ABCC5: variants seen among roughly 807,000 people sequenced by gnomAD.
ABCC5 encodes ATP binding cassette subfamily C member 5.
In ABCC5, 61 loss-of-function variants were observed where a neutral mutation model predicts 160.9. That is an observed-to-expected ratio of 0.38 (90% CI 0.31 to 0.47). ABCC5 has a LOEUF of 0.47. Among genes scored for constraint, ABCC5 ranks in the 20% least tolerant of loss-of-function variants. The pLI is 0.99. For synonymous variants in ABCC5, 666 were observed against 700.6 expected, an observed-to-expected ratio of 0.95 and a Z score of 0.78; for missense variants, 1,308 against 1,813.3, an observed-to-expected ratio of 0.72 and a Z score of 5.06.
Position 183,921,492 on chromosome 3 carries a change from TG to T in ABCC5, c.4213-92del, listed in dbSNP as rs1711967456. 3 of 1,211,960 alleles carry T rather than the reference TG, an allele frequency of 2.5e-6. No individual in the cohort carries two copies. In the African/African-American group the frequency reaches 4.7e-5, roughly 19 times the overall value. The allele number at this position is 1,211,960 out of a possible 1,614,324, so 75.1% of individuals were successfully genotyped here. On this transcript the variant is annotated intron_variant, in intron 29 of 29. Transcript: ENST00000334444. This position sits in a 1 kb window ranked among gnomAD's most constrained non-coding sequence, Gnocchi z 4.1. Reference sequence around the variant, plus strand: ...CGGCTCAGTAAGTGCCAGTGCCCTCTGAGGGTAGAATCTGGGGACAATTCAA... The same window carrying T: ...CGGCTCAGTAAGTGCCAGTGCCCTCTAGGGTAGAATCTGGGGACAATTCAA...
At chr3:183,952,088 G>C in intron 18 of ABCC5, 85 bp from the exon 19 acceptor site, 1 of 1,485,436 alleles carries the variant, frequency 6.7e-7, no homozygotes, top group Non-Finnish European at 9.2e-7. Flanking sequence ...CTCAAGGGCA[G>C]GGCAGGGTAC....
intron 1 of ABCC5, among the ~76,000 whole-genome samples, chr3:184,015,716 A>G (rs1286248824): frequency 1.3e-5 from 2 of 151,886 alleles, no homozygotes; most frequent in African/African-American, 4.8e-5. Context: ...CACCTTGTCC[A>G]ATGACAAACT....
chr3:183,927,039 G>A (rs1285854519), intron 28 of ABCC5, among the ~76,000 whole-genome samples: 2 of 150,386 alleles, frequency 1.3e-5, no homozygotes, highest in African/African-American at 2.4e-5. Flanking sequence ...GCAAGACTCC[G>A]TCTCAAAAAA....
intron 2 of ABCC5, among the ~76,000 whole-genome samples, chr3:183,999,249 G>C (rs1419955413): frequency 6.7e-6 from 1 of 149,980 alleles, no homozygotes; most frequent in Non-Finnish European, 1.5e-5. Flanking sequence ...ACATGGCCAA[G>C]CATGCCAGGA....
intron 2 of ABCC5, among the ~76,000 whole-genome samples, chr3:183,990,150 C>T (rs891445967): frequency 6.6e-6 from 1 of 151,826 alleles, no homozygotes; most frequent in East Asian, 1.9e-4. Context: ...GCTCTGTTGC[C>T]CAGGCCGGAG....
chr3:183,927,928 G>A, intron 27 of ABCC5: 1 of 629,016 alleles, frequency 1.6e-6, no homozygotes, highest in Non-Finnish European at 2.0e-6. Context: ...ATTAGGGCAG[G>A]GGATCCTGGA....
Position 183,947,400 on chromosome 3 carries a change from G to T in ABCC5, c.3338C>A (p.Thr1113Lys), listed in dbSNP as rs963986569. The change falls in exon 23 of 30, where the codon ACG becomes AAG. Residue 1113 changes from threonine to lysine, a missense_variant. Physicochemically the swap from Thr to Lys is moderately conservative, Grantham distance 78. Around this residue, in one of 3 missense-constraint regions of ABCC5, gnomAD observed 1,142 missense variants for 1,527.1 expected, o/e 0.75. Coordinates refer to ENST00000334444, the MANE Select transcript of ABCC5 (RefSeq NM_005688.4). ...DLISIALITT[T>K]GLMIVLMHGQ... ...GTGCATAAGAACGATCATCAGCCCC[G>T]TGGTGGTGATGAGGGCGATGCTGAT... 203 of 1,613,672 alleles carry T rather than the reference G, an allele frequency of 1.3e-4. No homozygotes were observed. The highest frequency in any genetic ancestry group is 1.7e-4 in the Non-Finnish European group (202 of 1,179,922).
intron 11 of ABCC5, among the ~76,000 whole-genome samples, chr3:183,970,917 T>G (rs1314950070): frequency 6.6e-6 from 1 of 152,192 alleles, no homozygotes; most frequent in Non-Finnish European, 1.5e-5. Flanking sequence ...TTGATACTCA[T>G]GAAATGGCTG....
chr3:183,963,743 G>A lies in ABCC5; in HGVS notation c.2032-155C>T, dbSNP rs569497387. Reference sequence around the variant, plus strand: ...CATGCTGATTCCCCGCAGATGAACTGCCATGCTGATCCTTCAACGAAGTGG... The same window carrying A: ...CATGCTGATTCCCCGCAGATGAACTACCATGCTGATCCTTCAACGAAGTGG... On this transcript the variant is annotated intron_variant, in intron 14 of 29. Coordinates refer to ENST00000334444, the MANE Select transcript of ABCC5 (RefSeq NM_005688.4). The surrounding 1 kb of genome is among the most constrained non-coding windows in gnomAD (Gnocchi z 4.6). Among the ~76,000 whole-genome samples the A allele has an allele frequency of 6.6e-6, 1 of 152,160 alleles. No homozygotes were observed. Among genetic ancestry groups the A allele is most frequent in the Non-Finnish European group, 1.5e-5 (1 of 68,038 alleles).
In ABCC5 at chr3:183,921,363, G is replaced by A. The variant is rs73044696; in HGVS notation, c.4251C>T (p.Asn1417=). 2.0e-4 allele frequency: 323 copies of A among 1,613,262 alleles called. 1 individual carries two copies. The African/African-American group carries it at 3.9e-3, about 20-fold the overall frequency. Residue 1417 remains asparagine (N), a synonymous_variant, in exon 30 of 30, where the codon AAC becomes AAT. Coordinates refer to ENST00000334444, the MANE Select transcript of ABCC5 (RefSeq NM_005688.4). The surrounding 1 kb of genome is among the most constrained non-coding windows in gnomAD (Gnocchi z 4.1). ...ACATGGCATAGAATCGGGAACTGTCGTTGGACAGAAGGACCGATGGGGTGT... is the reference window on the plus strand; with the variant it reads ...ACATGGCATAGAATCGGGAACTGTCATTGGACAGAAGGACCGATGGGGTGT... ...EFDTPSVLLS[N]DSSRFYAMFA... is the part of the protein sequence containing the mutation.
Position 183,976,444 on chromosome 3 carries a change from G to A in ABCC5, c.1404+1073C>T, listed in dbSNP as rs1055464053. On this transcript the variant is annotated intron_variant, in intron 10 of 29. Coordinates refer to ENST00000334444, the MANE Select transcript of ABCC5 (RefSeq NM_005688.4). ...TATTTTTTTATTTTTTTGTAGAGACGGGGTCTTGCTGTGTTGCCCAGGCTG... is the reference window on the plus strand; with the variant it reads ...TATTTTTTTATTTTTTTGTAGAGACAGGGTCTTGCTGTGTTGCCCAGGCTG... 9.9e-5 allele frequency among the ~76,000 whole-genome samples: 15 copies of A among 151,604 alleles called. No individual in the cohort carries two copies. The East Asian group carries it at 2.5e-3, about 25-fold the overall frequency.
chr3:183,977,793 C>T (rs994186344), intron 9 of ABCC5, among the ~76,000 whole-genome samples, 169 bp from the exon 10 acceptor site: 1 of 152,108 alleles, frequency 6.6e-6, no homozygotes, highest in African/African-American at 2.4e-5. Flanking sequence ...CGCTCTGTCG[C>T]CCAGGCTGGA....
At chr3:183,990,384 T>C (rs1174115675) in intron 2 of ABCC5, among the ~76,000 whole-genome samples, 1 of 152,174 alleles carries the variant, frequency 6.6e-6, no homozygotes, top group African/African-American at 2.4e-5. Context: ...GGATTATAGG[T>C]GTGAGCTGCC....
At chr3:183,927,697 T>G (rs1485283820) in intron 27 of ABCC5, 1 of 985,302 alleles carries the variant, frequency 1.0e-6, no homozygotes, top group Non-Finnish European at 1.2e-6. Context: ...CGCTTTCATG[T>G]CCCCAAAATC....
intron 28 of ABCC5, 90 bp from the exon 29 acceptor site, chr3:183,925,809 GT>G: frequency 9.2e-7 from 1 of 1,086,122 alleles, no homozygotes; most frequent in Non-Finnish European, 1.3e-6. Context: ...TTTCATTTAA[GT>G]TTTACACTAT....
intron 17 of ABCC5, 88 bp from the exon 18 acceptor site, chr3:183,953,358 A>G: frequency 1.6e-6 from 2 of 1,224,300 alleles, no homozygotes; most frequent in Non-Finnish European, 2.2e-6. Context: ...GAATCGGACA[A>G]CCGGCAGCTT....
chr3:183,971,853 C>G lies in ABCC5; in HGVS notation c.1471G>C (p.Glu491Gln), dbSNP rs771605970. ...NKPASPHIKI[E>Q]MKNATLAWDS... ...CATGCCAAGGTGGCATTTTTCATCTCTATCTTGATGTGAGGACTGGCTGGT... is the reference window on the plus strand; with the variant it reads ...CATGCCAAGGTGGCATTTTTCATCTGTATCTTGATGTGAGGACTGGCTGGT... Residue 491 changes from glutamate to glutamine, a missense_variant, in exon 11 of 30, where the codon GAG (glutamate) becomes CAG (glutamine). Physicochemically the swap from Glu to Gln is conservative, Grantham distance 29. Coordinates refer to ENST00000334444, the MANE Select transcript of ABCC5 (RefSeq NM_005688.4). 6.2e-7 allele frequency: 1 copy of G among 1,614,162 alleles called. No homozygotes were observed. The highest frequency in any genetic ancestry group is 1.1e-5 in the South Asian group (1 of 91,078).
chr3:183,974,008 C>T (rs1717998680), intron 10 of ABCC5, among the ~76,000 whole-genome samples: 1 of 152,172 alleles, frequency 6.6e-6, no homozygotes, highest in African/African-American at 2.4e-5. Flanking sequence ...AGGAGAGTTT[C>T]GGCTTCAGAT....
At chr3:183,977,428 G>A in intron 10 of ABCC5, 89 bp downstream of exon 10, 1 of 937,434 alleles carries the variant, frequency 1.1e-6, no homozygotes, top group Non-Finnish European at 1.6e-6. Flanking sequence ...AGCCCAGTGA[G>A]GCCAGCCTGG....
Sources: gnomAD v4.1 joint callset for allele counts (sites outside exome capture counted in the v4.1 genomes callset) on GRCh38, gnomAD v4.1.1 for gene constraint, gnomAD v4.1.1 regional missense constraint, Gnocchi (gnomAD v3.1) non-coding constraint, MANE v1.5 for transcripts, NCBI Gene and HGNC (gene_info 2026-07-23, HGNC 2026-07-21) for gene names.